SERPINE2: variants seen among roughly 807,000 people sequenced by gnomAD.
The protein encoded by SERPINE2 is glia-derived nexin.
Under a neutral mutation model 36.3 loss-of-function variants are expected in SERPINE2, and 14 were observed. That is an observed-to-expected ratio of 0.39 (90% CI 0.25 to 0.60). SERPINE2 has a LOEUF of 0.60. Among genes scored for constraint, SERPINE2 ranks in the 20% least tolerant of loss-of-function variants. The pLI is 0.57. For synonymous variants in SERPINE2, 192 were observed against 191.8 expected (o/e 1.00, Z -0.01); for missense variants, 418 against 499.6 (o/e 0.84, Z 1.56).
At chr2:224,013,058 T>C (rs1574839445) in intron 1 of SERPINE2, among the ~76,000 whole-genome samples, 1 of 152,218 alleles carries the variant, frequency 6.6e-6, no homozygotes, top group South Asian at 2.1e-4. Context: ...GACCTATGTA[T>C]GTGGCCAAAT....
intron 1 of SERPINE2, among the ~76,000 whole-genome samples, chr2:224,025,430 A>G (rs116484142): frequency 4.6e-5 from 7 of 152,246 alleles, no homozygotes; most frequent in African/African-American, 1.4e-4. Flanking sequence ...ATTCCCATGC[A>G]TGCTTGGATA....
At position 223,998,199 on chromosome 2, in the gene SERPINE2, G is replaced by A; in HGVS notation, c.403C>T (p.Gln135Ter). 6.2e-7 allele frequency: 1 copy of A among 1,614,190 alleles called. No individual in the cohort carries two copies. The highest frequency in any genetic ancestry group is 8.5e-7 in the Non-Finnish European group (1 of 1,180,038). The part of the protein sequence containing the change: ...PFVTRNKDVF[Q>*]CEVRNVNFED... Reference sequence around the variant, plus strand: ...AAGTTCACATTCCGGACCTCACACTGGAACACATCTTTGTTCCTTGTAACA... The same window carrying A: ...AAGTTCACATTCCGGACCTCACACTAGAACACATCTTTGTTCCTTGTAACA... The change falls in exon 3 of 9, where the codon CAG (glutamine) becomes TAG (stop). Residue 135 changes from glutamine (Q) to a stop codon, truncating the protein, a stop_gained. Transcript: ENST00000409304. LOFTEE classifies it high-confidence loss of function.
rs145138704 is a variant in SERPINE2, at chr2:224,002,283, G to A, written c.-22-361C>T. Among the ~76,000 whole-genome samples the A allele has an allele frequency of 4.9e-5, 5 of 101,884 alleles. No individual in the cohort carries two copies. In the East Asian group the frequency reaches 1.5e-3, roughly 32 times the overall value. The allele number at this position is 101,884 out of a possible 152,430, so 66.8% of individuals were successfully genotyped here. A position where few individuals can be genotyped will look rare whatever the true frequency, so the allele number is the denominator to read the frequency against. On this transcript the variant is annotated intron_variant, in intron 1 of 8. Transcript: ENST00000409304. ...TGAGCCACTGTACCTGGCCTGCGAG[G>A]CCATTTTGTACTCACCTAGTATGCT...
chr2:224,015,450 A>C (rs1691770123), intron 1 of SERPINE2, among the ~76,000 whole-genome samples: 1 of 152,250 alleles, frequency 6.6e-6, no homozygotes, highest in South Asian at 2.1e-4. Context: ...AGAGTATTCC[A>C]GACAGAAGCT....
At chr2:224,026,968 T>C (rs1389432416) in intron 1 of SERPINE2, among the ~76,000 whole-genome samples, 2 of 152,140 alleles carry the variant, frequency 1.3e-5, no homozygotes, top group African/African-American at 2.4e-5. Flanking sequence ...AATCAATAAA[T>C]ACCAATTCTA....
At chr2:224,023,377 T>C (rs1394353596) in intron 1 of SERPINE2, among the ~76,000 whole-genome samples, 1 of 152,216 alleles carries the variant, frequency 6.6e-6, no homozygotes, top group African/African-American at 2.4e-5. Context: ...ACCATACAAA[T>C]AAAATGCAGC....
chr2:223,979,549 T>C (rs979016980), intron 7 of SERPINE2: 43 of 152,014 alleles, frequency 2.8e-4, no homozygotes, highest in African/African-American at 9.6e-4. Context: ...GCTCACAGAG[T>C]TGGCCAAATC....
intron 5 of SERPINE2, among the ~76,000 whole-genome samples, chr2:223,983,575 T>C (rs1217116925): frequency 6.6e-6 from 1 of 151,920 alleles, no homozygotes; most frequent in Non-Finnish European, 1.5e-5. Context: ...CTGAAAGTAT[T>C]TTACTATTAA....
At chr2:224,032,250 G>C (rs577704635) in intron 1 of SERPINE2, among the ~76,000 whole-genome samples, 2 of 152,266 alleles carry the variant, frequency 1.3e-5, no homozygotes, top group South Asian at 4.1e-4. Context: ...TTCATTTGTA[G>C]TCACCTTATT....
At chr2:224,019,189 T>C (rs563586380) in intron 1 of SERPINE2, among the ~76,000 whole-genome samples, 3 of 152,284 alleles carry the variant, frequency 2.0e-5, no homozygotes, top group Admixed American at 2.0e-4. Flanking sequence ...TAAGTACCTA[T>C]GATAAAGTTG....
intron 7 of SERPINE2, chr2:223,978,535 G>A (rs1419602328): frequency 6.6e-6 from 1 of 152,266 alleles, no homozygotes; most frequent in Non-Finnish European, 1.5e-5. Context: ...AACTTCTTTA[G>A]CCTCATGGGT....
chr2:223,992,642 G>A (rs1204136670), intron 3 of SERPINE2, among the ~76,000 whole-genome samples: 1 of 152,196 alleles, frequency 6.6e-6, no homozygotes, highest in Non-Finnish European at 1.5e-5. Context: ...CAAGCAAGGT[G>A]CTAATATTAG....
intron 7 of SERPINE2, chr2:223,977,837 A>T: frequency 1.9e-6 from 1 of 514,370 alleles, no homozygotes. Context: ...TTACTCTCTC[A>T]TGTCTTCTAC....
chr2:224,023,286 A>C (rs1692075229), intron 1 of SERPINE2, among the ~76,000 whole-genome samples: 1 of 152,168 alleles, frequency 6.6e-6, no homozygotes, highest in Non-Finnish European at 1.5e-5. Flanking sequence ...GGGTATCCTG[A>C]CAAACTCCCA....
chr2:223,998,799 C>G (rs1690995984), intron 2 of SERPINE2, among the ~76,000 whole-genome samples: 2 of 152,144 alleles, frequency 1.3e-5, no homozygotes, highest in Admixed American at 1.3e-4. Flanking sequence ...GGGCCTATTT[C>G]TTAAGAAAAG....
intron 1 of SERPINE2, among the ~76,000 whole-genome samples, chr2:224,018,755 G>T (rs947536203): frequency 2.0e-5 from 3 of 152,118 alleles, no homozygotes; most frequent in African/African-American, 7.2e-5. Flanking sequence ...GTTCATCCAA[G>T]AACCTAAGCC....
chr2:223,988,677 T>G (rs1690530880), intron 4 of SERPINE2, among the ~76,000 whole-genome samples: 3 of 152,220 alleles, frequency 2.0e-5, no homozygotes, highest in Non-Finnish European at 4.4e-5. Context: ...ACTTGGAGAT[T>G]CCTATTCCAT....
intron 2 of SERPINE2, 180 bp downstream of exon 2, chr2:224,001,462 C>G: frequency 1.6e-6 from 1 of 610,926 alleles, no homozygotes; most frequent in Non-Finnish European, 2.7e-6. Flanking sequence ...GTTCTCCTAA[C>G]TGCCAGCACC....
At position 223,984,876 on chromosome 2, in the gene SERPINE2, G is replaced by T; in HGVS notation, c.760C>A (p.Leu254Met). ...LPYHGESISM[L>M]IALPTESSTP... ...GAGCTCTCAGTCGGCAGTGCAATCA[G>T]CATGCTGATGCTTTCCCCGTGGTAG... Residue 254 changes from leucine (L) to methionine (M), a missense_variant, in exon 5 of 9, where the codon CTG becomes ATG. Leu to Met is a conservative substitution (Grantham distance 15). Coordinates refer to ENST00000409304, the MANE Select transcript of SERPINE2 (RefSeq NM_001136528.2). 6.2e-7 allele frequency: 1 copy of T among 1,614,204 alleles called. No individual in the cohort carries two copies. Among genetic ancestry groups the T allele is most frequent in the Middle Eastern group, 1.7e-4 (1 of 6,056 alleles).
Sources: allele counts gnomAD v4.1 joint callset (sites outside exome capture counted in the v4.1 genomes callset), GRCh38; gene constraint gnomAD v4.1.1; transcripts MANE v1.5; gene names NCBI Gene and HGNC (gene_info 2026-07-23, HGNC 2026-07-21).